The following CLTC variants were observed in gnomAD, a reference collection of about 807,000 sequenced individuals.
The protein encoded by CLTC is clathrin heavy chain 1.
A neutral mutation model predicts 195.8 loss-of-function variants in CLTC; 16 were observed. The observed-to-expected ratio is 0.08, with a 90% CI of 0.06 to 0.12. CLTC has a LOEUF of 0.12. CLTC is among the 10% of genes least tolerant of loss of function. The probability of loss-of-function intolerance (pLI) is 1.00; values close to 1 mark genes in which losing one functional copy is unlikely to be tolerated. For missense variants in CLTC, 796 were observed against 2,027.0 expected (o/e 0.39, Z 11.66); for synonymous variants, 667 against 689.4 (o/e 0.97, Z 0.51).
intron 1 of CLTC, among the ~76,000 whole-genome samples, chr17:59,637,773 ATCAG>A (rs1236012806): frequency 6.6e-6 from 1 of 151,506 alleles, no homozygotes; most frequent in Admixed American, 6.6e-5. Flanking sequence ...CTAATCTATT[ATCAG>A]TAGTTAAAAG....
intron 10 of CLTC, among the ~76,000 whole-genome samples, chr17:59,665,233 AAAAAAG>A (rs2143552067): frequency 6.6e-6 from 1 of 152,122 alleles, no homozygotes; most frequent in Non-Finnish European, 1.5e-5. Flanking sequence ...AAAGAAAAAA[AAAAAAG>A]GAAAACTTAC....
chr17:59,644,875 G>C (rs1437688376), intron 2 of CLTC, among the ~76,000 whole-genome samples: 1 of 152,172 alleles, frequency 6.6e-6, no homozygotes, highest in Non-Finnish European at 1.5e-5. Flanking sequence ...ATTTATGCAA[G>C]TACAATAACT....
intron 9 of CLTC, chr17:59,664,552 A>G: frequency 2.6e-5 from 1 of 39,034 alleles, no homozygotes; most frequent in Non-Finnish European, 7.3e-5. Context: ...CCCTGTCTCA[A>G]AAAAAAAAAA....
Position 59,664,782 on chromosome 17 carries a change from T to C in CLTC, c.1522-5T>C. On this transcript the variant is annotated splice_region_variant and splice_polypyrimidine_tract_variant and intron_variant, in intron 9 of 31. Transcript: ENST00000269122. Reference sequence around the variant, plus strand: ...AGCAGCGTTTAAGTCTTTGTTTGTTTATAGGTTGGATACACTCCAGATTGG... The same window carrying C: ...AGCAGCGTTTAAGTCTTTGTTTGTTCATAGGTTGGATACACTCCAGATTGG... 6.2e-7 allele frequency: 1 copy of C among 1,613,272 alleles called. No individual in the cohort carries two copies. Among genetic ancestry groups the C allele is most frequent in the Non-Finnish European group, 8.5e-7 (1 of 1,179,508 alleles).
In CLTC at chr17:59,685,148, A is replaced by G; in HGVS notation, c.4527A>G (p.Arg1509=). The change falls in exon 29 of 32, where the codon AGA becomes AGG. Residue 1509 remains arginine (R), a synonymous_variant. Transcript: ENST00000269122. The surrounding 1 kb of genome is among the most constrained non-coding windows in gnomAD (Gnocchi z 5.0). ...LEKHELIEFR[R]IAAYLFKGNN... is the part of the protein sequence containing the mutation. ...AACATGAACTCATTGAGTTCAGGAG[A>G]ATTGCTGCTTATCTCTTCAAAGGCA... is the stretch of plus-strand genomic sequence containing the variant. The G allele has an allele frequency of 1.9e-6, 3 of 1,612,784 alleles. No homozygotes were observed. Among genetic ancestry groups the G allele is most frequent in the Non-Finnish European group, 1.7e-6 (2 of 1,179,090 alleles).
rs202002188 is a variant in CLTC, at chr17:59,681,287, T to G, written c.3066-8T>G. On this transcript the variant is annotated splice_region_variant and splice_polypyrimidine_tract_variant and intron_variant, in intron 19 of 31. Coordinates refer to ENST00000269122, the MANE Select transcript of CLTC (RefSeq NM_004859.4). The surrounding 1 kb of genome is among the most constrained non-coding windows in gnomAD (Gnocchi z 5.0). Reference sequence around the variant, plus strand: ...ATTGCATTTAAAATATTCTTTTTTTTCTTAAAGGAATCTGCAAAACCTCCT... The same window carrying G: ...ATTGCATTTAAAATATTCTTTTTTTGCTTAAAGGAATCTGCAAAACCTCCT... 5.7e-5 allele frequency: 90 copies of G among 1,585,998 alleles called. No individual in the cohort carries two copies. Among genetic ancestry groups the G allele is most frequent in the Admixed American group, 9.3e-5 (5 of 53,872 alleles).
intron 13 of CLTC, among the ~76,000 whole-genome samples, chr17:59,667,270 G>A (rs915171912): frequency 6.6e-6 from 1 of 152,138 alleles, no homozygotes; most frequent in African/African-American, 2.4e-5. Context: ...CAGGTTGAGT[G>A]TCCCTAATCT....
At chr17:59,655,434 T>G (rs186125079) in intron 5 of CLTC, among the ~76,000 whole-genome samples, 1 of 152,120 alleles carries the variant, frequency 6.6e-6, no homozygotes, top group African/African-American at 2.4e-5. Context: ...AATGAAAAGG[T>G]TTGAAATATT....
At chr17:59,656,666 A>ATTTTTTTTTTTTTTTTTTTTTTTTTTTTT (rs55669818) in intron 6 of CLTC, among the ~76,000 whole-genome samples, 3 of 96,222 alleles carry the variant, frequency 3.1e-5, no homozygotes, top group African/African-American at 3.5e-5. Context: ...TATTATTTTA[A>ATTTTTTTTTTTTTTTTTTTTTTTTTTTTT]TTTTTTTTTT....
Position 59,668,847 on chromosome 17 carries a change from G to A in CLTC, c.2199G>A (p.Gln733=). Reference sequence around the variant, plus strand: ...CAGATGTGCACTTTAAATATATTCAGGCAGCTTGCAAGACTGGGCAAATCA... The same window carrying A: ...CAGATGTGCACTTTAAATATATTCAAGCAGCTTGCAAGACTGGGCAAATCA... ...QDPDVHFKYI[Q]AACKTGQIKE... The change falls in exon 14 of 32, where the codon CAG becomes CAA. Residue 733 remains glutamine (Q), a synonymous_variant. Transcript: ENST00000269122. 1 of 1,613,584 alleles carries A rather than the reference G, an allele frequency of 6.2e-7. No homozygotes were observed. Among genetic ancestry groups the A allele is most frequent in the East Asian group, 2.2e-5 (1 of 44,812 alleles).
intron 1 of CLTC, among the ~76,000 whole-genome samples, chr17:59,627,369 TAGGTC>T: frequency 6.6e-6 from 1 of 152,238 alleles, no homozygotes; most frequent in Non-Finnish European, 1.5e-5. Flanking sequence ...CCCTTGTGCT[TAGGTC>T]AGATTAGCCT....
intron 5 of CLTC, among the ~76,000 whole-genome samples, chr17:59,654,700 C>T (rs565563536): frequency 2.0e-5 from 3 of 152,256 alleles, no homozygotes; most frequent in South Asian, 2.1e-4. Context: ...AGGGTGGTCT[C>T]GAACTCCTGA....
intron 30 of CLTC, among the ~76,000 whole-genome samples, chr17:59,688,802 G>A (rs1414660017): frequency 6.6e-6 from 1 of 152,076 alleles, no homozygotes; most frequent in East Asian, 1.9e-4. Context: ...CTTTTCCCTG[G>A]AAGTCCGGAA....
chr17:59,682,128 ACAGAAGTGAAAT>A lies in CLTC; in HGVS notation c.3443-142_3443-131del. ...ATCTATTCATTTGGTCCGTGATAATACAGAAGTGAAATATTGCACGGTTTACATTTGTCATTA... is the reference window on the plus strand; with the variant it reads ...ATCTATTCATTTGGTCCGTGATAATAATTGCACGGTTTACATTTGTCATTA... On this transcript the variant is annotated intron_variant, in intron 21 of 31. Coordinates refer to ENST00000269122, the MANE Select transcript of CLTC (RefSeq NM_004859.4). This position sits in a 1 kb window ranked among gnomAD's most constrained non-coding sequence, Gnocchi z 6.8. 7 of 793,216 alleles carry A rather than the reference ACAGAAGTGAAAT, an allele frequency of 8.8e-6. No individual in the cohort carries two copies. The South Asian group carries it at 1.4e-4, about 15-fold the overall frequency. 49.1% of individuals were successfully genotyped at this position (793,216 alleles called of 1,614,324 possible). A position where few individuals can be genotyped will look rare whatever the true frequency, so the allele number is the denominator to read the frequency against.
At chr17:59,629,538 T>TTTTG in intron 1 of CLTC, among the ~76,000 whole-genome samples, 1 of 149,952 alleles carries the variant, frequency 6.7e-6, no homozygotes, top group Non-Finnish European at 1.5e-5. Flanking sequence ...TTTTTTTTTT[T>TTTTG]GAGATGGAGT....
chr17:59,681,571 TACTA>T lies in CLTC; in HGVS notation c.3250-73_3250-70del. 2 of 1,570,852 alleles carry T rather than the reference TACTA, an allele frequency of 1.3e-6. No individual in the cohort carries two copies. Among genetic ancestry groups the T allele is most frequent in the East Asian group, 2.3e-5 (1 of 44,410 alleles). On this transcript the variant is annotated intron_variant, in intron 20 of 31. Coordinates refer to ENST00000269122, the MANE Select transcript of CLTC (RefSeq NM_004859.4). The surrounding 1 kb of genome is among the most constrained non-coding windows in gnomAD (Gnocchi z 5.0). ...CTACGGCAATAGAGCAGCAATAAAA[TACTA>T]ACAGCTTAAATGTAATTGCTTTGGG...
chr17:59,692,801 T>C (rs1289806394), intron 31 of CLTC, among the ~76,000 whole-genome samples: 1 of 151,958 alleles, frequency 6.6e-6, no homozygotes, highest in Non-Finnish European at 1.5e-5. Context: ...CACGCCCGGC[T>C]AATTTTTTTT....
intron 5 of CLTC, among the ~76,000 whole-genome samples, chr17:59,653,529 C>T (rs956095189): frequency 6.6e-6 from 1 of 151,346 alleles, no homozygotes; most frequent in East Asian, 2.0e-4. Context: ...CTCTCCTCCT[C>T]TCTCCCCCTC....
chr17:59,680,841 T>G, intron 18 of CLTC, 71 bp from the exon 19 acceptor site: 72 of 1,309,816 alleles, frequency 5.5e-5, no homozygotes, highest in Non-Finnish European at 6.8e-5. Context: ...AGTTTTCTAA[T>G]GAGAGGCCAA....
Sources: allele counts gnomAD v4.1 joint callset (sites outside exome capture counted in the v4.1 genomes callset), GRCh38; gene constraint gnomAD v4.1.1; non-coding constraint Gnocchi (gnomAD v3.1); transcripts MANE v1.5; gene names NCBI Gene and HGNC (gene_info 2026-07-23, HGNC 2026-07-21).